GALNTL6: variants seen among roughly 807,000 people sequenced by gnomAD.
GALNTL6 encodes the protein polypeptide N-acetylgalactosaminyltransferase like 6, also known as polypeptide N-acetylgalactosaminyltransferase-like 6.
Under a neutral mutation model 73.7 loss-of-function variants are expected in GALNTL6, and 46 were observed. The observed-to-expected ratio is 0.62, with a 90% CI of 0.49 to 0.80. The LOEUF is 0.80. Among genes scored for constraint, GALNTL6 ranks in the 30% least tolerant of loss-of-function variants. GALNTL6 has a pLI of 0.00. For synonymous variants in GALNTL6, 259 were observed against 263.7 expected, an observed-to-expected ratio of 0.98 and a Z score of 0.17; for missense variants, 604 against 755.0, an observed-to-expected ratio of 0.80 and a Z score of 2.34.
At chr4:172,079,428 G>C (rs904326758) in intron 2 of GALNTL6, among the ~76,000 whole-genome samples, 1 of 151,734 alleles carries the variant, frequency 6.6e-6, no homozygotes, top group Non-Finnish European at 1.5e-5. Context: ...GTATATCTTT[G>C]ATTAATTGAC....
intron 5 of GALNTL6, among the ~76,000 whole-genome samples, chr4:172,449,822 C>T (rs922730306): frequency 2.6e-5 from 4 of 152,170 alleles, no homozygotes; most frequent in African/African-American, 9.7e-5. Context: ...AATATTCTCC[C>T]ACATTTCAGG....
chr4:172,041,594 A>G (rs1251702193), intron 2 of GALNTL6, among the ~76,000 whole-genome samples: 2 of 152,078 alleles, frequency 1.3e-5, no homozygotes, highest in Non-Finnish European at 2.9e-5. Context: ...AAATGATTTA[A>G]AGGCTTTTTT....
intron 2 of GALNTL6, among the ~76,000 whole-genome samples, chr4:171,829,524 C>A (rs1244197511): frequency 6.6e-6 from 1 of 152,128 alleles, no homozygotes; most frequent in African/African-American, 2.4e-5. Context: ...TTTTGAGCTT[C>A]TTTTAGTTTC....
At chr4:172,982,176 T>G (rs1234420129) in intron 10 of GALNTL6, among the ~76,000 whole-genome samples, 4 of 152,232 alleles carry the variant, frequency 2.6e-5, no homozygotes, top group Admixed American at 2.6e-4. Context: ...AATTTCTTTC[T>G]GCATGAATAA....
intron 5 of GALNTL6, chr4:172,380,141 T>A: frequency 9.6e-7 from 1 of 1,041,934 alleles, no homozygotes; most frequent in South Asian, 1.3e-5. Flanking sequence ...ATCATCTGGA[T>A]TTGGAGCACT....
At chr4:172,898,467 C>G (rs919897310) in intron 8 of GALNTL6, among the ~76,000 whole-genome samples, 1 of 150,588 alleles carries the variant, frequency 6.6e-6, no homozygotes, top group South Asian at 2.1e-4. Context: ...AAAAAAAGAT[C>G]TCATAAAATA....
At chr4:172,606,652 G>GTATATATATACTATATATATATAC (rs1202482024) in intron 5 of GALNTL6, among the ~76,000 whole-genome samples, 1 of 34,772 alleles carries the variant, frequency 2.9e-5, no homozygotes, top group East Asian at 2.1e-3. Flanking sequence ...TATATATATA[G>GTATATATATACTATATATATATAC]TATATATATA....
chr4:172,131,597 T>G (rs542441863), intron 2 of GALNTL6, among the ~76,000 whole-genome samples: 1 of 151,678 alleles, frequency 6.6e-6, no homozygotes, highest in Admixed American at 6.6e-5. Context: ...TTCTTTCCTG[T>G]GCTCTTTTGT....
intron 2 of GALNTL6, among the ~76,000 whole-genome samples, chr4:171,838,728 A>G (rs954189385): frequency 1.3e-5 from 2 of 152,190 alleles, no homozygotes; most frequent in Non-Finnish European, 2.9e-5. Context: ...TCCAGGTTTG[A>G]AGCTTGGCAA....
chr4:172,004,404 G>C (rs1305292925), intron 2 of GALNTL6, among the ~76,000 whole-genome samples: 1 of 151,918 alleles, frequency 6.6e-6, no homozygotes, highest in Non-Finnish European at 1.5e-5. Context: ...GAATCTATTA[G>C]TTAATGGTGG....
intron 2 of GALNTL6, among the ~76,000 whole-genome samples, chr4:172,022,992 C>T (rs1029872205): frequency 5.9e-5 from 9 of 151,928 alleles, no homozygotes; most frequent in African/African-American, 1.2e-4. Context: ...AATAAATAAA[C>T]GTTTACATAT....
intron 5 of GALNTL6, among the ~76,000 whole-genome samples, chr4:172,599,534 A>G (rs1287269042): frequency 6.6e-6 from 1 of 152,202 alleles, no homozygotes; most frequent in Non-Finnish European, 1.5e-5. Context: ...ACCCAATTAC[A>G]TGATGCCCTT....
Position 172,557,957 on chromosome 4 carries a change from G to C in GALNTL6, c.553+209268G>C, listed in dbSNP as rs563741252. On this transcript the variant is annotated intron_variant, in intron 5 of 12. Coordinates refer to ENST00000506823, the MANE Select transcript of GALNTL6 (RefSeq NM_001034845.3). ...AATTTGTACAGGAATAGTTATAGAA[G>C]CTTAAATAATAAAACCCCCAAACTG... is the stretch of plus-strand genomic sequence containing the variant. Among the ~76,000 whole-genome samples the C allele has an allele frequency of 3.2e-4, 48 of 151,864 alleles. 1 individual carries two copies. The highest frequency in any genetic ancestry group is 6.2e-4 in the Non-Finnish European group (42 of 67,970).
intron 5 of GALNTL6, among the ~76,000 whole-genome samples, chr4:172,402,624 G>C (rs910509244): frequency 7.9e-5 from 12 of 151,984 alleles, no homozygotes; most frequent in African/African-American, 2.9e-4. Flanking sequence ...CAAAAAGACT[G>C]TTGTTTTTTA....
chr4:172,818,875 G>A (rs1029326726), intron 7 of GALNTL6, among the ~76,000 whole-genome samples: 2 of 152,204 alleles, frequency 1.3e-5, no homozygotes, highest in Non-Finnish European at 2.9e-5. Context: ...GGGATTACAG[G>A]CATGAGCCAC....
chr4:172,782,490 G>C (rs925902011), intron 5 of GALNTL6, among the ~76,000 whole-genome samples: 1 of 152,066 alleles, frequency 6.6e-6, no homozygotes, highest in Non-Finnish European at 1.5e-5. Flanking sequence ...TCATTGGACA[G>C]GTATTATCAA....
intron 2 of GALNTL6, among the ~76,000 whole-genome samples, chr4:172,135,565 G>A (rs113826008): frequency 0.01 from 1,542 of 152,122 alleles, 26 homozygotes; most frequent in African/African-American, 0.035. Context: ...CATAGTTAGC[G>A]TCCTTCAGGG....
chr4:172,309,012 G>A (rs1321684764), intron 3 of GALNTL6, among the ~76,000 whole-genome samples: 3 of 152,148 alleles, frequency 2.0e-5, no homozygotes, highest in East Asian at 1.9e-4. Flanking sequence ...TTCCATTTAC[G>A]TTGAAAAGTA....
chr4:172,122,016 T>C (rs1733163971), intron 2 of GALNTL6, among the ~76,000 whole-genome samples: 1 of 151,802 alleles, frequency 6.6e-6, no homozygotes, highest in African/African-American at 2.4e-5. Flanking sequence ...AGACCTCACC[T>C]TTCCCTGAGG....
Sources: allele counts gnomAD v4.1 joint callset (sites outside exome capture counted in the v4.1 genomes callset), GRCh38; gene constraint gnomAD v4.1.1; transcripts MANE v1.5; gene names NCBI Gene and HGNC (gene_info 2026-07-23, HGNC 2026-07-21).